The following COMMD10 variants were observed in gnomAD, a reference collection of about 807,000 sequenced individuals.
COMMD10 encodes COMM domain containing 10, also known as COMM domain-containing protein 10.
Under a neutral mutation model 28.9 loss-of-function variants are expected in COMMD10, and 33 were observed. The ratio of observed to expected loss-of-function variants is 1.14; its 90% confidence interval spans 0.87 to 1.53. COMMD10 has a LOEUF of 1.53. Among genes scored for constraint, COMMD10 ranks in the 40% most tolerant of loss-of-function variants. The pLI is 0.00. For synonymous variants in COMMD10, 110 were observed against 81.7 expected, an observed-to-expected ratio of 1.35 and a Z score of -1.87; for missense variants, 310 against 233.4, an observed-to-expected ratio of 1.33 and a Z score of -2.14.
At chr5:116,276,722 C>T (rs1006485169) in intron 5 of COMMD10, among the ~76,000 whole-genome samples, 2 of 151,672 alleles carry the variant, frequency 1.3e-5, no homozygotes, top group Non-Finnish European at 2.9e-5. Flanking sequence ...ATGGATACAT[C>T]TCAAAAATAT....
intron 5 of COMMD10, among the ~76,000 whole-genome samples, chr5:116,164,266 A>G (rs904769301): frequency 2.0e-5 from 3 of 151,940 alleles, no homozygotes; most frequent in South Asian, 2.1e-4. Context: ...GTTTGCAGTG[A>G]GCCGAGATTG....
At chr5:116,114,906 C>G (rs1344124081) in intron 4 of COMMD10, among the ~76,000 whole-genome samples, 2 of 152,142 alleles carry the variant, frequency 1.3e-5, no homozygotes, top group Non-Finnish European at 2.9e-5. Context: ...TCTTATTCTG[C>G]TCACATCTTG....
At chr5:116,194,168 A>G (rs1003376657) in intron 5 of COMMD10, among the ~76,000 whole-genome samples, 2 of 152,164 alleles carry the variant, frequency 1.3e-5, no homozygotes, top group African/African-American at 4.8e-5. Context: ...CAGCAAAGGT[A>G]GTGCTAAGAG....
chr5:116,216,708 A>G (rs1749112490), intron 5 of COMMD10, among the ~76,000 whole-genome samples: 1 of 151,880 alleles, frequency 6.6e-6, no homozygotes, highest in South Asian at 2.1e-4. Flanking sequence ...TTATTTTTGC[A>G]TTTTTAGTAG....
At chr5:116,237,328 G>A (rs928033691) in intron 5 of COMMD10, among the ~76,000 whole-genome samples, 4 of 152,110 alleles carry the variant, frequency 2.6e-5, no homozygotes, top group Non-Finnish European at 5.9e-5. Flanking sequence ...ACAGAGATGG[G>A]AAGTGTTTAC....
chr5:116,242,877 A>G lies in COMMD10; in HGVS notation c.511-48640A>G, dbSNP rs147299407. Among the ~76,000 whole-genome samples, 33 of 151,520 alleles carry G rather than the reference A, an allele frequency of 2.2e-4. No individual in the cohort carries two copies. In the East Asian group the frequency reaches 6.4e-3, roughly 29 times the overall value. ...AAATAATAATCGTTGGATAGGCTTCAAAAAAGAAATGCATTTGAGATGGAC... is the reference window on the plus strand; with the variant it reads ...AAATAATAATCGTTGGATAGGCTTCGAAAAAGAAATGCATTTGAGATGGAC... On this transcript the variant is annotated intron_variant, in intron 5 of 6. Coordinates refer to ENST00000274458, the MANE Select transcript of COMMD10 (RefSeq NM_016144.4).
intron 5 of COMMD10, among the ~76,000 whole-genome samples, chr5:116,269,144 T>C (rs906756998): frequency 1.3e-5 from 2 of 151,618 alleles, no homozygotes; most frequent in Admixed American, 6.6e-5. Flanking sequence ...AAAAAATTGG[T>C]TTTTACTGTC....
intron 5 of COMMD10, among the ~76,000 whole-genome samples, chr5:116,140,999 C>T (rs1486193283): frequency 6.6e-6 from 1 of 151,700 alleles, no homozygotes; most frequent in Admixed American, 6.6e-5. Context: ...TTCAAAATAT[C>T]AGACTAGGAT....
At chr5:116,155,428 C>T (rs575027642) in intron 5 of COMMD10, among the ~76,000 whole-genome samples, 1 of 151,964 alleles carries the variant, frequency 6.6e-6, no homozygotes, top group Non-Finnish European at 1.5e-5. Context: ...TGTCTGTTTC[C>T]ATTTTCTACT....
At chr5:116,250,882 G>A (rs1750093579) in intron 5 of COMMD10, among the ~76,000 whole-genome samples, 2 of 151,994 alleles carry the variant, frequency 1.3e-5, no homozygotes, top group Admixed American at 6.6e-5. Flanking sequence ...TCTGATTTCA[G>A]TTCTTCTGAG....
chr5:116,171,544 C>A (rs962381317), intron 5 of COMMD10, among the ~76,000 whole-genome samples: 4 of 152,036 alleles, frequency 2.6e-5, no homozygotes, highest in African/African-American at 9.7e-5. Flanking sequence ...TTTATTGCAG[C>A]ACAATTTACA....
intron 5 of COMMD10, among the ~76,000 whole-genome samples, chr5:116,148,445 G>A (rs1025725290): frequency 1.1e-4 from 17 of 151,824 alleles, no homozygotes; most frequent in African/African-American, 3.6e-4. Flanking sequence ...TTATAAAGGG[G>A]TAATTTTACC....
intron 5 of COMMD10, among the ~76,000 whole-genome samples, chr5:116,179,320 G>C (rs979605154): frequency 6.6e-6 from 1 of 152,074 alleles, no homozygotes; most frequent in Non-Finnish European, 1.5e-5. Context: ...TTATTGACGA[G>C]GAAACAAAAG....
At chr5:116,232,133 A>G (rs1248742035) in intron 5 of COMMD10, among the ~76,000 whole-genome samples, 1 of 152,188 alleles carries the variant, frequency 6.6e-6, no homozygotes, top group Non-Finnish European at 1.5e-5. Flanking sequence ...GCTAAACAGC[A>G]TGTCAGGATT....
At chr5:116,248,867 A>G (rs969701724) in intron 5 of COMMD10, among the ~76,000 whole-genome samples, 4 of 151,938 alleles carry the variant, frequency 2.6e-5, no homozygotes, top group Non-Finnish European at 5.9e-5. Flanking sequence ...CAAAAAAGCA[A>G]TTTCTCACCA....
chr5:116,094,747 A>G (rs1321922903), intron 4 of COMMD10, among the ~76,000 whole-genome samples: 3 of 152,252 alleles, frequency 2.0e-5, no homozygotes, highest in African/African-American at 7.2e-5. Context: ...ACTGTTCACA[A>G]TAGCAAAGAT....
chr5:116,112,159 C>T (rs1173165907), intron 4 of COMMD10, among the ~76,000 whole-genome samples: 1 of 152,100 alleles, frequency 6.6e-6, no homozygotes, highest in African/African-American at 2.4e-5. Context: ...AAGATTATTT[C>T]TACTTCATTT....
intron 4 of COMMD10, 30 bp downstream of exon 4, chr5:116,092,730 T>A (rs766676570): frequency 6.9e-7 from 1 of 1,451,970 alleles, no homozygotes; most frequent in South Asian, 1.5e-5. Flanking sequence ...AAATATGTTT[T>A]TCAATAACAT....
chr5:116,202,923 G>A (rs932915097), intron 5 of COMMD10, among the ~76,000 whole-genome samples: 7 of 152,054 alleles, frequency 4.6e-5, no homozygotes, highest in African/African-American at 1.5e-4. Context: ...GGCTTTTGTT[G>A]CCATTGCTTT....
Sources: gnomAD v4.1 joint callset for allele counts (sites outside exome capture counted in the v4.1 genomes callset) on GRCh38, gnomAD v4.1.1 for gene constraint, MANE v1.5 for transcripts, NCBI Gene and HGNC (gene_info 2026-07-23, HGNC 2026-07-21) for gene names.